The following CCDC90B variants were observed in gnomAD, a reference collection of about 807,000 sequenced individuals.
CCDC90B encodes coiled-coil domain-containing protein 90B, mitochondrial.
A neutral mutation model predicts 37.0 loss-of-function variants in CCDC90B; 24 were observed. That is an observed-to-expected ratio of 0.65 (90% CI 0.47 to 0.91). The LOEUF (loss-of-function observed/expected upper bound fraction) is 0.91. CCDC90B is among the 40% of genes least tolerant of loss of function. The probability of loss-of-function intolerance (pLI) is 0.00; values close to 1 mark genes in which losing one functional copy is unlikely to be tolerated. For missense variants in CCDC90B, 319 were observed against 299.0 expected (o/e 1.07, Z -0.49); for synonymous variants, 113 against 101.1 (o/e 1.12, Z -0.71).
At chr11:83,285,521 A>G in intron 1 of CCDC90B, 1 of 1,157,062 alleles carries the variant, frequency 8.6e-7, no homozygotes, top group South Asian at 2.0e-5. Context: ...CAGGCCACAA[A>G]AGAAAACAGG....
chr11:83,268,978 C>T (rs1427644624), intron 7 of CCDC90B, among the ~76,000 whole-genome samples: 1 of 152,218 alleles, frequency 6.6e-6, no homozygotes, highest in South Asian at 2.1e-4. Flanking sequence ...AACTGCACAA[C>T]TACATGGAAA....
chr11:83,269,734 A>C (rs893517062), intron 7 of CCDC90B, among the ~76,000 whole-genome samples: 1 of 152,228 alleles, frequency 6.6e-6, no homozygotes, highest in African/African-American at 2.4e-5. Flanking sequence ...AGGTACAAAG[A>C]GGAGCTGGTA....
At position 83,260,098 on chromosome 11, in the gene CCDC90B, T is replaced by A. The variant is rs1252506628; in HGVS notation, c.*1813A>T. On this transcript the variant is annotated 3_prime_UTR_variant, in exon 9 of 9. Coordinates refer to ENST00000529689, the MANE Select transcript of CCDC90B (RefSeq NM_021825.5). ...GTCACTTTACCTAGGGCAGAGTGGA[T>A]AAGGGGATGAAGAGTGACGACAGTG... 1 of 152,220 alleles carries A rather than the reference T, an allele frequency of 6.6e-6. No homozygotes were observed. The highest frequency in any genetic ancestry group is 2.4e-5 in the African/African-American group (1 of 41,454). The allele number at this position is 152,220 out of a possible 1,614,324, so 9.4% of individuals were successfully genotyped here.
intron 4 of CCDC90B, chr11:83,274,247 A>C: frequency 2.9e-6 from 1 of 345,042 alleles, no homozygotes; most frequent in Non-Finnish European, 5.1e-6. Context: ...GCTATAGTGG[A>C]TAACATAACT....
rs1238050439 is a variant in CCDC90B at position 83,259,700 on chromosome 11, G to C, written c.*2211C>G. 1.3e-5 allele frequency: 2 copies of C among 152,128 alleles called. No homozygotes were observed. Among genetic ancestry groups the C allele is most frequent in the East Asian group, 3.9e-4 (2 of 5,184 alleles). 9.4% of individuals were successfully genotyped at this position (152,128 alleles called of 1,614,324 possible). A position where few individuals can be genotyped will look rare whatever the true frequency, so the allele number is the denominator to read the frequency against. On this transcript the variant is annotated 3_prime_UTR_variant, in exon 9 of 9. Transcript: ENST00000529689. Reference sequence around the variant, plus strand: ...CAGGGTCTCATGTGTTGCCAGGCTGGAGTGCAGTGACTATTTATAGGTATG... The same window carrying C: ...CAGGGTCTCATGTGTTGCCAGGCTGCAGTGCAGTGACTATTTATAGGTATG...
At chr11:83,277,503 T>C (rs994193106) in intron 3 of CCDC90B, among the ~76,000 whole-genome samples, 5 of 152,146 alleles carry the variant, frequency 3.3e-5, no homozygotes, top group African/African-American at 1.2e-4. Flanking sequence ...TTTTCTTTTT[T>C]TGAGATGGAG....
rs768501400 is a variant in CCDC90B at position 83,273,661 on chromosome 11, C to T, written c.580G>A (p.Glu194Lys). The change falls in exon 7 of 9, where the codon GAA becomes AAA. Residue 194 changes from glutamate to lysine, a missense_variant. Physicochemically the swap from Glu to Lys is moderately conservative, Grantham distance 56 (BLOSUM62 1). Coordinates refer to ENST00000529689, the MANE Select transcript of CCDC90B (RefSeq NM_021825.5). ...TATTACTTTACCTTTTTTGTAAATT[C>T]TGTAGTTGTTTCCATAAGTTGCTTT... ...QEKQLMETTT[E>K]FTKKDTQTKS... 7.5e-6 allele frequency: 12 copies of T among 1,597,892 alleles called. No individual in the cohort carries two copies. In the East Asian group the frequency reaches 1.1e-4, roughly 15 times the overall value.
chr11:83,274,068 G>A (rs1227368136), intron 4 of CCDC90B, 76 bp from the exon 5 acceptor site: 2 of 1,177,594 alleles, frequency 1.7e-6, no homozygotes, highest in African/African-American at 1.6e-5. Flanking sequence ...TGAAACCCTA[G>A]ATTACCAAAA....
At chr11:83,267,420 A>C (rs1864352197) in intron 7 of CCDC90B, 1 of 152,210 alleles carries the variant, frequency 6.6e-6, no homozygotes, top group Admixed American at 6.5e-5. Flanking sequence ...GAAGACCTTA[A>C]ATGACCTGAT....
At chr11:83,279,693 G>A (rs1048698976) in intron 2 of CCDC90B, among the ~76,000 whole-genome samples, 1 of 151,848 alleles carries the variant, frequency 6.6e-6, no homozygotes, top group African/African-American at 2.4e-5. Context: ...TCCCTAATTT[G>A]TAATGCCTTC....
At chr11:83,277,590 C>G (rs1865117849) in intron 3 of CCDC90B, among the ~76,000 whole-genome samples, 1 of 152,080 alleles carries the variant, frequency 6.6e-6, no homozygotes, top group South Asian at 2.1e-4. Flanking sequence ...TCAAGCGATT[C>G]TCCTGCCTCA....
At chr11:83,285,613 T>C in intron 1 of CCDC90B, 3 of 1,334,086 alleles carry the variant, frequency 2.2e-6, no homozygotes, top group Admixed American at 7.2e-5. Flanking sequence ...AAACAACGGC[T>C]GAGAAAGAAG....
chr11:83,274,238 C>T (rs1333349735), intron 4 of CCDC90B: 1 of 357,574 alleles, frequency 2.8e-6, no homozygotes, highest in Non-Finnish European at 4.9e-6. Flanking sequence ...TAAAAATAAG[C>T]TATAGTGGAT....
chr11:83,262,382 C>T (rs960884865), intron 8 of CCDC90B, among the ~76,000 whole-genome samples: 35 of 151,984 alleles, frequency 2.3e-4, no homozygotes, highest in African/African-American at 8.0e-4. Context: ...CTTTTCAGTA[C>T]ATTTTTAAAT....
At chr11:83,266,486 G>A (rs938481640) in intron 7 of CCDC90B, among the ~76,000 whole-genome samples, 4 of 152,240 alleles carry the variant, frequency 2.6e-5, no homozygotes, top group African/African-American at 7.2e-5. Context: ...CCACGCCCAC[G>A]GAGCCTTGCT....
chr11:83,278,948 T>A, intron 2 of CCDC90B, 119 bp from the exon 3 acceptor site: 1 of 598,948 alleles, frequency 1.7e-6, no homozygotes, highest in Non-Finnish European at 2.9e-6. Context: ...TGGTTACAAT[T>A]AAAAAATTGA....
Position 83,274,893 on chromosome 11 carries a change from AT to A in CCDC90B, c.325-154del, listed in dbSNP as rs1864930697. 3 of 449,988 alleles carry A rather than the reference AT, an allele frequency of 6.7e-6. No homozygotes were observed. In the South Asian group the frequency reaches 1.0e-4, roughly 15 times the overall value. The allele number at this position is 449,988 out of a possible 1,614,324, so 27.9% of individuals were successfully genotyped here. A position where few individuals can be genotyped will look rare whatever the true frequency, so the allele number is the denominator to read the frequency against. ...AATATGAAACCTACATATCTGAAATATCAAAATGAAAAGAAAGAGATTCAAG... is the reference window on the plus strand; with the variant it reads ...AATATGAAACCTACATATCTGAAATACAAAATGAAAAGAAAGAGATTCAAG... On this transcript the variant is annotated intron_variant, in intron 3 of 8. Coordinates refer to ENST00000529689, the MANE Select transcript of CCDC90B (RefSeq NM_021825.5).
intron 3 of CCDC90B, among the ~76,000 whole-genome samples, chr11:83,277,674 C>T (rs647030): frequency 0.72 from 108,150 of 150,900 alleles, 39,481 homozygotes; most frequent in African/African-American, 0.85. Context: ...TTTGTTTTTT[C>T]AAGTAGAGAC....
chr11:83,280,308 A>T, intron 1 of CCDC90B, 48 bp from the exon 2 acceptor site: 1 of 1,542,254 alleles, frequency 6.5e-7, no homozygotes, highest in Non-Finnish European at 8.9e-7. Context: ...GATAGCTTAC[A>T]AAGCTACTTT....
Sources: gnomAD v4.1 joint callset for allele counts (sites outside exome capture counted in the v4.1 genomes callset) on GRCh38, gnomAD v4.1.1 for gene constraint, MANE v1.5 for transcripts, NCBI Gene and HGNC (gene_info 2026-07-23, HGNC 2026-07-21) for gene names.